EPHA3: variants seen among roughly 807,000 people sequenced by gnomAD.
EPHA3 encodes ephrin type-A receptor 3.
Under a neutral mutation model 107.1 loss-of-function variants are expected in EPHA3, and 42 were observed. That is an observed-to-expected ratio of 0.39 (90% CI 0.31 to 0.51). The LOEUF is 0.51. EPHA3 is among the 20% of genes least tolerant of loss of function. EPHA3 has a pLI of 0.78. For missense variants in EPHA3, 1,183 were observed against 1,211.2 expected (o/e 0.98, Z 0.35); for synonymous variants, 461 against 424.8 (o/e 1.09, Z -1.05).
chr3:89,353,312 T>C lies in EPHA3; in HGVS notation c.1306+11222T>C, dbSNP rs138930445. Among the ~76,000 whole-genome samples the C allele has an allele frequency of 1.3e-3, 194 of 151,490 alleles. 4 individuals are homozygous for C. The highest frequency in any genetic ancestry group is 4.3e-3 in the African/African-American group (180 of 41,478). On this transcript the variant is annotated intron_variant, in intron 5 of 16. Transcript: ENST00000336596. The stretch of plus-strand genomic sequence containing the variant: ...GAAGGTAGACATTTTTCAGCGCCAA[T>C]GTAGCGAATCGGAAACTGTAAACAT...
At chr3:89,387,831 T>A (rs1369692080) in intron 5 of EPHA3, among the ~76,000 whole-genome samples, 2 of 152,134 alleles carry the variant, frequency 1.3e-5, no homozygotes, top group Non-Finnish European at 2.9e-5. Context: ...ATTTTTTATT[T>A]CTCCACGCTG....
chr3:89,397,105 G>A (rs1015819778), intron 6 of EPHA3, among the ~76,000 whole-genome samples: 1 of 152,048 alleles, frequency 6.6e-6, no homozygotes, highest in African/African-American at 2.4e-5. Context: ...ACATTGTTTT[G>A]CATTATGTAG....
rs1709510899 is a variant in EPHA3, at chr3:89,429,091, T to A, written c.2075-15T>A. ...AACTGTACTGATTATTATTTATTAT[T>A]TACTGTATATCTAGGTAAGCCAGTT... On this transcript the variant is annotated splice_polypyrimidine_tract_variant and intron_variant, in intron 11 of 16. Coordinates refer to ENST00000336596, the MANE Select transcript of EPHA3 (RefSeq NM_005233.6). 1.9e-6 allele frequency: 3 copies of A among 1,561,932 alleles called. No homozygotes were observed. The highest frequency in any genetic ancestry group is 2.6e-6 in the Non-Finnish European group (3 of 1,133,810).
chr3:89,217,419 CA>C (rs556114969), intron 3 of EPHA3, among the ~76,000 whole-genome samples: 31 of 150,752 alleles, frequency 2.1e-4, no homozygotes, highest in Middle Eastern at 3.4e-3. Context: ...AAAACAAAAA[CA>C]AAAAAAAACT....
At chr3:89,134,102 A>G (rs1306889401) in intron 2 of EPHA3, among the ~76,000 whole-genome samples, 1 of 151,846 alleles carries the variant, frequency 6.6e-6, no homozygotes, top group Non-Finnish European at 1.5e-5. Context: ...ATTTGCTTCA[A>G]ATGCCGAACA....
At chr3:89,362,678 T>C (rs543658916) in intron 5 of EPHA3, among the ~76,000 whole-genome samples, 1 of 151,030 alleles carries the variant, frequency 6.6e-6, no homozygotes, top group African/African-American at 2.4e-5. Context: ...CATGTGTGAT[T>C]GGGTGTTTGT....
intron 3 of EPHA3, among the ~76,000 whole-genome samples, chr3:89,235,142 G>A (rs765269513): frequency 6.7e-6 from 1 of 149,454 alleles, no homozygotes; most frequent in Non-Finnish European, 1.5e-5. Context: ...GTCTGGTCTC[G>A]AACTCCTGAC....
chr3:89,125,157 A>G (rs1471155794), intron 1 of EPHA3, among the ~76,000 whole-genome samples: 1 of 151,858 alleles, frequency 6.6e-6, no homozygotes, highest in Non-Finnish European at 1.5e-5. Flanking sequence ...GTAACATATA[A>G]TTATCATTTA....
At chr3:89,259,530 C>A (rs1261147502) in intron 3 of EPHA3, among the ~76,000 whole-genome samples, 1 of 152,126 alleles carries the variant, frequency 6.6e-6, no homozygotes. Flanking sequence ...TGCCATATTT[C>A]AAGAGAATAC....
chr3:89,303,531 A>C (rs1706541195), intron 3 of EPHA3, among the ~76,000 whole-genome samples: 2 of 151,606 alleles, frequency 1.3e-5, no homozygotes, highest in Admixed American at 1.3e-4. Flanking sequence ...ATAGATTATT[A>C]AATTAGAATA....
rs777954311 is a variant in EPHA3 at position 89,449,206 on chromosome 3, C to T, written c.2347-19C>T. On this transcript the variant is annotated intron_variant, in intron 13 of 16. Coordinates refer to ENST00000336596, the MANE Select transcript of EPHA3 (RefSeq NM_005233.6). ...TCTATGCATTGCTGATTTATGTAGA[C>T]ATGATTTTATATTCAAAGGGAGGGA... is the stretch of plus-strand genomic sequence containing the variant. 3 of 1,594,254 alleles carry T rather than the reference C, an allele frequency of 1.9e-6. No homozygotes were observed. Among genetic ancestry groups the T allele is most frequent in the Non-Finnish European group, 8.6e-7 (1 of 1,166,684 alleles).
intron 3 of EPHA3, among the ~76,000 whole-genome samples, chr3:89,254,390 C>T (rs2107268407): frequency 1.3e-5 from 2 of 152,212 alleles, no homozygotes; most frequent in African/African-American, 2.4e-5. Flanking sequence ...GAGGAGCCAT[C>T]GAATGGATAA....
chr3:89,344,045 T>C (rs140450173), intron 5 of EPHA3, among the ~76,000 whole-genome samples: 2,442 of 152,246 alleles, frequency 0.016, 78 homozygotes, highest in African/African-American at 0.056. Context: ...ATGTGGCAAA[T>C]GGTTTTCCGG....
At chr3:89,478,425 A>G in intron 16 of EPHA3, among the ~76,000 whole-genome samples, 1 of 152,256 alleles carries the variant, frequency 6.6e-6, no homozygotes, top group South Asian at 2.1e-4. Context: ...TTGTGCTCTG[A>G]GGTTGATGTT....
At chr3:89,306,276 T>C (rs1706619620) in intron 3 of EPHA3, among the ~76,000 whole-genome samples, 1 of 152,174 alleles carries the variant, frequency 6.6e-6, no homozygotes, top group African/African-American at 2.4e-5. Context: ...GAATTCTAAC[T>C]GAAGTGTCTG....
Position 89,449,198 on chromosome 3 carries a change from T to C in EPHA3, c.2347-27T>C, listed in dbSNP as rs1459796934. Reference sequence around the variant, plus strand: ...TTATATGTTCTATGCATTGCTGATTTATGTAGACATGATTTTATATTCAAA... The same window carrying C: ...TTATATGTTCTATGCATTGCTGATTCATGTAGACATGATTTTATATTCAAA... On this transcript the variant is annotated intron_variant, in intron 13 of 16. Transcript: ENST00000336596. 1.9e-6 allele frequency: 3 copies of C among 1,587,176 alleles called. No individual in the cohort carries two copies. In the African/African-American group the frequency reaches 4.0e-5, roughly 21 times the overall value.
At chr3:89,203,114 C>T (rs1209777102) in intron 2 of EPHA3, among the ~76,000 whole-genome samples, 1 of 152,012 alleles carries the variant, frequency 6.6e-6, no homozygotes, top group Non-Finnish European at 1.5e-5. Flanking sequence ...TTCACGGAAG[C>T]TGATATTGGA....
chr3:89,113,553 AG>A (rs1456162831), intron 1 of EPHA3, among the ~76,000 whole-genome samples: 2 of 146,524 alleles, frequency 1.4e-5, no homozygotes, highest in African/African-American at 5.0e-5. Context: ...AAGTTTTTGC[AG>A]GAGAAAAGAA....
chr3:89,257,516 T>C (rs2107273969), intron 3 of EPHA3, among the ~76,000 whole-genome samples: 1 of 152,156 alleles, frequency 6.6e-6, no homozygotes, highest in East Asian at 1.9e-4. Context: ...AGAGAAAGTT[T>C]GAGGTGATTC....
Sources: gnomAD v4.1 joint callset for allele counts (sites outside exome capture counted in the v4.1 genomes callset) on GRCh38, gnomAD v4.1.1 for gene constraint, MANE v1.5 for transcripts, NCBI Gene and HGNC (gene_info 2026-07-23, HGNC 2026-07-21) for gene names.